Variants in CDK14 observed in about 807,000 individuals in gnomAD.
CDK14 encodes the protein cyclin dependent kinase 14.
CDK14 carries 34 observed loss-of-function variants against 60.7 expected under a neutral mutation model. That is an observed-to-expected ratio of 0.56 (90% CI 0.43 to 0.75). The LOEUF is 0.75. Among genes scored for constraint, CDK14 ranks in the 30% least tolerant of loss-of-function variants. The pLI, the probability that CDK14 is intolerant of heterozygous loss-of-function variation, is 0.00. For synonymous variants in CDK14, 197 were observed against 203.7 expected (o/e 0.97, Z 0.28); for missense variants, 482 against 564.1 (o/e 0.85, Z 1.47).
chr7:90,850,696 G>A (rs193280306), intron 5 of CDK14, among the ~76,000 whole-genome samples: 52 of 152,276 alleles, frequency 3.4e-4, no homozygotes, highest in Admixed American at 3.3e-4. Flanking sequence ...AGTTCCAAGT[G>A]TGATAGGGAG....
chr7:90,762,708 C>T (rs557823850), intron 4 of CDK14, among the ~76,000 whole-genome samples: 4 of 152,136 alleles, frequency 2.6e-5, no homozygotes, highest in East Asian at 3.9e-4. Context: ...CTGGAAGGCC[C>T]GGTGTGGTGG....
intron 14 of CDK14, among the ~76,000 whole-genome samples, chr7:91,172,335 T>G (rs767945394): frequency 4.6e-5 from 7 of 152,166 alleles, no homozygotes; most frequent in Non-Finnish European, 7.3e-5. Flanking sequence ...CAGGACCTGT[T>G]CATTTGCCTC....
chr7:90,634,107 G>T (rs2116412405), intron 2 of CDK14, among the ~76,000 whole-genome samples: 1 of 137,048 alleles, frequency 7.3e-6, no homozygotes, highest in East Asian at 1.9e-4. Flanking sequence ...TTAGAATTGA[G>T]TCTTTTTGTT....
intron 7 of CDK14, among the ~76,000 whole-genome samples, chr7:90,903,046 AC>A (rs1338962287): frequency 5.9e-5 from 9 of 152,144 alleles, no homozygotes; most frequent in Admixed American, 1.3e-4. Flanking sequence ...ATTCCATCTT[AC>A]CCCAGTTAGG....
intron 4 of CDK14, among the ~76,000 whole-genome samples, chr7:90,785,579 A>C (rs1391986148): frequency 6.6e-6 from 1 of 151,956 alleles, no homozygotes; most frequent in African/African-American, 2.4e-5. Context: ...AGGTCAGGAG[A>C]TGGAGACGAT....
chr7:90,896,977 A>G (rs1792357244), intron 6 of CDK14, among the ~76,000 whole-genome samples: 1 of 152,120 alleles, frequency 6.6e-6, no homozygotes, highest in Non-Finnish European at 1.5e-5. Context: ...CATGCTATTT[A>G]ATTGTGTTAT....
chr7:90,618,316 A>AT (rs1012124341), intron 2 of CDK14, among the ~76,000 whole-genome samples: 3 of 151,948 alleles, frequency 2.0e-5, no homozygotes, highest in African/African-American at 4.8e-5. Flanking sequence ...GGATAGACCA[A>AT]TTTTTTTTCT....
intron 10 of CDK14, among the ~76,000 whole-genome samples, chr7:90,992,987 T>C (rs1315488026): frequency 6.6e-6 from 1 of 152,132 alleles, no homozygotes; most frequent in Non-Finnish European, 1.5e-5. Context: ...AGAGTTAGTA[T>C]AGATACAAGA....
intron 14 of CDK14, among the ~76,000 whole-genome samples, chr7:91,131,827 T>C (rs1400355671): frequency 6.6e-6 from 1 of 152,148 alleles, no homozygotes; most frequent in Admixed American, 6.6e-5. Flanking sequence ...AATCTAAATA[T>C]CAGAATACAG....
chr7:91,136,561 T>G (rs1476496879), intron 14 of CDK14, among the ~76,000 whole-genome samples: 4 of 152,184 alleles, frequency 2.6e-5, no homozygotes, highest in Admixed American at 6.5e-5. Context: ...TGTGATATCT[T>G]AACACATTTT....
intron 14 of CDK14, among the ~76,000 whole-genome samples, chr7:91,201,985 T>C (rs546581921): frequency 7.2e-5 from 11 of 152,294 alleles, no homozygotes; most frequent in Admixed American, 3.3e-4. Flanking sequence ...TTGAGCCTAG[T>C]TGGTGGCGGG....
intron 10 of CDK14, among the ~76,000 whole-genome samples, chr7:90,991,167 G>A (rs972807848): frequency 1.3e-5 from 2 of 152,184 alleles, no homozygotes; most frequent in African/African-American, 2.4e-5. Flanking sequence ...AGTACCACTG[G>A]AGGGAGAGGA....
chr7:91,077,258 AATGATAGACTGG>A (rs1798347915), intron 11 of CDK14, among the ~76,000 whole-genome samples: 1 of 152,234 alleles, frequency 6.6e-6, no homozygotes, highest in Non-Finnish European at 1.5e-5. Context: ...AATGCCCATC[AATGATAGACTGG>A]ATAAAGAAAA....
intron 10 of CDK14, among the ~76,000 whole-genome samples, chr7:91,010,143 C>T (rs113317774): frequency 0.014 from 2,172 of 152,084 alleles, 46 homozygotes; most frequent in African/African-American, 0.049. Context: ...GATGTCAGTG[C>T]CACACTGTCT....
chr7:90,657,388 T>C (rs1009752289), intron 2 of CDK14, among the ~76,000 whole-genome samples: 1 of 152,216 alleles, frequency 6.6e-6, no homozygotes, highest in South Asian at 2.1e-4. Flanking sequence ...GAGCTCTCAA[T>C]AGTTGATGCT....
At chr7:91,108,443 A>G (rs563278025) in intron 12 of CDK14, among the ~76,000 whole-genome samples, 35 of 152,350 alleles carry the variant, frequency 2.3e-4, no homozygotes, top group African/African-American at 7.9e-4. Context: ...TCTTATCAAT[A>G]TATAAGGAAT....
intron 2 of CDK14, among the ~76,000 whole-genome samples, chr7:90,708,271 G>A (rs1801944222): frequency 3.3e-5 from 5 of 152,274 alleles, no homozygotes. Flanking sequence ...ATGAGGTGGT[G>A]TATGATTAAA....
At chr7:90,681,529 C>T (rs372288773) in intron 2 of CDK14, among the ~76,000 whole-genome samples, 82 of 152,214 alleles carry the variant, frequency 5.4e-4, no homozygotes, top group African/African-American at 1.9e-3. Context: ...CCTGTGCACT[C>T]ACTGCTGCTT....
chr7:90,867,017 G>T (rs1325258114), intron 6 of CDK14, among the ~76,000 whole-genome samples: 1 of 152,176 alleles, frequency 6.6e-6, no homozygotes, highest in Admixed American at 6.6e-5. Flanking sequence ...AGTTGCTCAT[G>T]TTGCTATTGG....
Sources: allele counts gnomAD v4.1 joint callset (sites outside exome capture counted in the v4.1 genomes callset), GRCh38; gene constraint gnomAD v4.1.1; transcripts MANE v1.5; gene names NCBI Gene and HGNC (gene_info 2026-07-23, HGNC 2026-07-21).